AGBL1: variants seen among roughly 807,000 people sequenced by gnomAD.
The protein encoded by AGBL1 is cytosolic carboxypeptidase 4.
In AGBL1, 130 loss-of-function variants were observed where a neutral mutation model predicts 118.9. That is an observed-to-expected ratio of 1.09 (90% confidence interval 0.95 to 1.26). AGBL1 has a LOEUF of 1.26. Among genes scored for constraint, AGBL1 ranks in the 50% most tolerant of loss-of-function variants. The pLI, the probability that AGBL1 is intolerant of heterozygous loss-of-function variation, is 0.00. For missense variants in AGBL1, 1,584 were observed against 1,298.1 expected (o/e 1.22, Z -3.38); for synonymous variants, 555 against 478.9 (o/e 1.16, Z -2.08).
chr15:86,863,428 C>T (rs972258049), intron 22 of AGBL1, among the ~76,000 whole-genome samples: 4 of 152,172 alleles, frequency 2.6e-5, no homozygotes, highest in Non-Finnish European at 4.4e-5. Flanking sequence ...AGATTCAAGC[C>T]CTTGAGGCCT....
chr15:86,157,842 C>T (rs573169159), intron 4 of AGBL1, among the ~76,000 whole-genome samples: 19 of 152,270 alleles, frequency 1.2e-4, no homozygotes, highest in Non-Finnish European at 2.2e-4. Context: ...CACAGAGCTG[C>T]CGGAGCTCTA....
At chr15:86,991,369 C>T (rs1172181610) in intron 24 of AGBL1, among the ~76,000 whole-genome samples, 1 of 151,572 alleles carries the variant, frequency 6.6e-6, no homozygotes, top group East Asian at 1.9e-4. Flanking sequence ...TACACGTTTG[C>T]CCATTTCCAT....
intron 21 of AGBL1, among the ~76,000 whole-genome samples, chr15:86,662,078 C>A (rs1480705814): frequency 6.6e-6 from 1 of 151,930 alleles, no homozygotes; most frequent in African/African-American, 2.4e-5. Flanking sequence ...TGTGTTTTAT[C>A]CATATCAAAT....
intron 23 of AGBL1, among the ~76,000 whole-genome samples, chr15:86,941,732 A>G (rs765477927): frequency 6.6e-6 from 1 of 152,206 alleles, no homozygotes; most frequent in Non-Finnish European, 1.5e-5. Flanking sequence ...AAGTGCTCAA[A>G]GAAGAGCTGC....
chr15:86,858,463 G>GGTGTGT (rs3059715), intron 22 of AGBL1, among the ~76,000 whole-genome samples: 5,548 of 147,096 alleles, frequency 0.038, 197 homozygotes, highest in African/African-American at 0.095. Context: ...CCTTTCAGGT[G>GGTGTGT]GTGTGTGTGT....
intron 17 of AGBL1, among the ~76,000 whole-genome samples, chr15:86,320,336 C>A (rs2080086308): frequency 6.6e-6 from 1 of 151,762 alleles, no homozygotes; most frequent in Non-Finnish European, 1.5e-5. Context: ...GCTTTCACAT[C>A]ATATTTTTAT....
intron 22 of AGBL1, among the ~76,000 whole-genome samples, chr15:86,854,164 A>T (rs1360385248): frequency 2.0e-5 from 3 of 151,656 alleles, no homozygotes; most frequent in Non-Finnish European, 4.4e-5. Context: ...TCTCACTTAC[A>T]CTCCTTTGGG....
At chr15:86,640,816 A>G (rs2085177750) in intron 21 of AGBL1, among the ~76,000 whole-genome samples, 4 of 151,412 alleles carry the variant, frequency 2.6e-5, no homozygotes, top group Admixed American at 1.3e-4. Context: ...TCTGAAAATA[A>G]TTAGCCAGTT....
chr15:86,927,611 T>C (rs937870267), intron 23 of AGBL1, among the ~76,000 whole-genome samples: 1 of 152,110 alleles, frequency 6.6e-6, no homozygotes, highest in African/African-American at 2.4e-5. Context: ...AAAATTATTT[T>C]TAAAAAGTTA....
intron 21 of AGBL1, among the ~76,000 whole-genome samples, chr15:86,579,139 A>G (rs1317850648): frequency 1.3e-5 from 2 of 152,308 alleles, no homozygotes; most frequent in East Asian, 3.9e-4. Flanking sequence ...GTGTTCTTCA[A>G]TTATACTGCT....
chr15:86,857,824 TAATCC>T (rs2079504921), intron 22 of AGBL1, among the ~76,000 whole-genome samples: 1 of 152,216 alleles, frequency 6.6e-6, no homozygotes, highest in Non-Finnish European at 1.5e-5. Context: ...CATGATGAGT[TAATCC>T]ACTCCAGTCG....
At chr15:86,814,032 G>A (rs1486119746) in intron 22 of AGBL1, among the ~76,000 whole-genome samples, 1 of 152,178 alleles carries the variant, frequency 6.6e-6, no homozygotes, top group Non-Finnish European at 1.5e-5. Flanking sequence ...CATGGCCTGG[G>A]AAGCCGGATG....
At chr15:86,119,689 A>G (rs868817971) in intron 1 of AGBL1, among the ~76,000 whole-genome samples, 5 of 139,330 alleles carry the variant, frequency 3.6e-5, no homozygotes, top group African/African-American at 8.3e-5. Flanking sequence ...GTGTGTGTGT[A>G]TGTATTTGCA....
chr15:86,758,953 A>T (rs2077981439), intron 22 of AGBL1, among the ~76,000 whole-genome samples: 1 of 142,940 alleles, frequency 7.0e-6, no homozygotes, highest in African/African-American at 2.6e-5. Context: ...AGCCTGGATG[A>T]CAGACACCCT....
intron 22 of AGBL1, among the ~76,000 whole-genome samples, chr15:86,731,463 A>G (rs539742257): frequency 1.3e-3 from 192 of 152,322 alleles, no homozygotes; most frequent in Non-Finnish European, 2.4e-3. Flanking sequence ...TGTCACCAAC[A>G]ATAAATATTC....
At chr15:86,449,686 A>G (rs1471878818) in intron 18 of AGBL1, among the ~76,000 whole-genome samples, 3 of 152,190 alleles carry the variant, frequency 2.0e-5, no homozygotes, top group African/African-American at 7.2e-5. Context: ...AAGAGTGTGG[A>G]GAAGGTAGGA....
intron 21 of AGBL1, among the ~76,000 whole-genome samples, chr15:86,653,846 C>G (rs1596340230): frequency 6.6e-6 from 1 of 152,100 alleles, no homozygotes; most frequent in Non-Finnish European, 1.5e-5. Flanking sequence ...TCCCAGAGAC[C>G]AAATACAGCA....
intron 24 of AGBL1, among the ~76,000 whole-genome samples, chr15:86,991,169 T>C (rs764556779): frequency 3.9e-5 from 6 of 152,230 alleles, no homozygotes; most frequent in Non-Finnish European, 8.8e-5. Context: ...TGATCAGTCC[T>C]TAATACTGGA....
chr15:86,854,295 C>T (rs1489099284), intron 22 of AGBL1, among the ~76,000 whole-genome samples: 1 of 152,164 alleles, frequency 6.6e-6, no homozygotes, highest in African/African-American at 2.4e-5. Flanking sequence ...TTCTTAGGGG[C>T]TTAGCTGTCC....
Sources: allele counts gnomAD v4.1 joint callset (sites outside exome capture counted in the v4.1 genomes callset), GRCh38; gene constraint gnomAD v4.1.1; transcripts MANE v1.5; gene names NCBI Gene and HGNC (gene_info 2026-07-23, HGNC 2026-07-21).